Variants in NIPAL2 observed in about 807,000 individuals in gnomAD.
The protein encoded by NIPAL2 is NIPA like domain containing 2.
Under a neutral mutation model 48.9 loss-of-function variants are expected in NIPAL2, and 43 were observed. That is an observed-to-expected ratio of 0.88 (90% CI 0.69 to 1.13). The LOEUF is 1.13. Ranked by LOEUF, NIPAL2 falls within the 50% of genes most tolerant of loss-of-function variation. The probability of loss-of-function intolerance (pLI) is 0.00; values close to 1 mark genes in which losing one functional copy is unlikely to be tolerated. For missense variants in NIPAL2, 446 were observed against 461.4 expected, an observed-to-expected ratio of 0.97 and a Z score of 0.31; for synonymous variants, 167 against 174.6, an observed-to-expected ratio of 0.96 and a Z score of 0.34.
At position 98,204,150 on chromosome 8, in the gene NIPAL2, CA is replaced by C. The variant is rs1207338021; in HGVS notation, c.792-955del. On this transcript the variant is annotated intron_variant, in intron 7 of 10. Coordinates refer to ENST00000430223, the MANE Select transcript of NIPAL2 (RefSeq NM_001321635.2). ...GGTATGAAGATAATGCCACTAATCCCAAAAGATACTGTGGCAGTACCAATTA... is the reference window on the plus strand; with the variant it reads ...GGTATGAAGATAATGCCACTAATCCCAAAGATACTGTGGCAGTACCAATTA... Among the ~76,000 whole-genome samples the C allele has an allele frequency of 2.4e-4, 37 of 152,076 alleles. 1 individual carries two copies. Among genetic ancestry groups the C allele is most frequent in the Admixed American group, 2.4e-3 (36 of 15,268 alleles).
Position 98,191,247 on chromosome 8 carries a change from T to G in NIPAL2, c.*1731A>C, listed in dbSNP as rs1248611246. The G allele has an allele frequency of 6.6e-6, 1 of 152,224 alleles. No individual in the cohort carries two copies. The highest frequency in any genetic ancestry group is 2.4e-5 in the African/African-American group (1 of 41,472). The allele number at this position is 152,224 out of a possible 1,614,324, so 9.4% of individuals were successfully genotyped here. ...TTTCTCAATCTTTGTAAACCAGTTTTAAGAGTCACCAGAAATCTGTAGTTT... is the reference window on the plus strand; with the variant it reads ...TTTCTCAATCTTTGTAAACCAGTTTGAAGAGTCACCAGAAATCTGTAGTTT... On this transcript the variant is annotated 3_prime_UTR_variant, in exon 11 of 11. Coordinates refer to ENST00000430223, the MANE Select transcript of NIPAL2 (RefSeq NM_001321635.2).
chr8:98,262,266 T>C (rs1338847003), intron 1 of NIPAL2, among the ~76,000 whole-genome samples: 1 of 152,018 alleles, frequency 6.6e-6, no homozygotes, highest in Admixed American at 6.6e-5. Flanking sequence ...AGGATCAAAT[T>C]CACACATAAC....
chr8:98,236,300 G>T, intron 3 of NIPAL2, 86 bp from the exon 4 acceptor site: 2 of 893,856 alleles, frequency 2.2e-6, no homozygotes, highest in Non-Finnish European at 3.6e-6. Flanking sequence ...AGCAATTTGT[G>T]CCTTATGCCT....
intron 1 of NIPAL2, among the ~76,000 whole-genome samples, chr8:98,258,535 C>T (rs774659871): frequency 7.2e-5 from 11 of 152,242 alleles, no homozygotes; most frequent in South Asian, 2.1e-4. Context: ...AGAAGGACTC[C>T]GTACTTCTAC....
intron 1 of NIPAL2, among the ~76,000 whole-genome samples, chr8:98,272,075 T>G (rs765702955): frequency 6.6e-6 from 1 of 152,188 alleles, no homozygotes; most frequent in Non-Finnish European, 1.5e-5. Flanking sequence ...AATTTTATGG[T>G]GTGCTGCTGG....
chr8:98,264,184 GC>G (rs1752677521), intron 1 of NIPAL2, among the ~76,000 whole-genome samples: 1 of 147,332 alleles, frequency 6.8e-6, no homozygotes, highest in African/African-American at 2.5e-5. Context: ...TACTGAATGG[GC>G]AAAAACTGGA....
intron 1 of NIPAL2, among the ~76,000 whole-genome samples, chr8:98,264,355 C>T (rs368674315): frequency 2.6e-4 from 34 of 131,314 alleles, no homozygotes; most frequent in Admixed American, 6.3e-4. Context: ...TGTTTGCAGA[C>T]GACATGATTG....
At chr8:98,243,339 C>T (rs1813098442) in intron 3 of NIPAL2, among the ~76,000 whole-genome samples, 2 of 152,150 alleles carry the variant, frequency 1.3e-5, no homozygotes. Flanking sequence ...CATTTGGATT[C>T]AGGTTTCCAG....
chr8:98,232,216 T>C (rs781282705), intron 4 of NIPAL2, among the ~76,000 whole-genome samples: 3 of 152,170 alleles, frequency 2.0e-5, no homozygotes, highest in Non-Finnish European at 4.4e-5. Context: ...GGGTATAGAA[T>C]AGGTGACTAA....
rs772612480 is a variant in NIPAL2 at position 98,294,145 on chromosome 8, C to T, written c.-8G>A. On this transcript the variant is annotated 5_prime_UTR_variant, in exon 1 of 11. Coordinates refer to ENST00000430223, the MANE Select transcript of NIPAL2 (RefSeq NM_001321635.2). ...GGGCGCCACCGCTGCCATGAGGTCT[C>T]GCTCCCGGCGCTCGGGCTCCGGCTC... is the stretch of plus-strand genomic sequence containing the variant. 2.9e-6 allele frequency: 4 copies of T among 1,384,886 alleles called. No homozygotes were observed. The highest frequency in any genetic ancestry group is 3.4e-5 in the Admixed American group (1 of 29,378). 85.8% of individuals were successfully genotyped at this position (1,384,886 alleles called of 1,614,324 possible).
chr8:98,292,310 T>C (rs913845518), intron 1 of NIPAL2, among the ~76,000 whole-genome samples: 9 of 152,214 alleles, frequency 5.9e-5, no homozygotes, highest in African/African-American at 2.2e-4. Flanking sequence ...ATAAAATGCT[T>C]CTCGAGTAAA....
chr8:98,281,274 A>G (rs1281865264), intron 1 of NIPAL2, among the ~76,000 whole-genome samples: 1 of 152,114 alleles, frequency 6.6e-6, no homozygotes, highest in Non-Finnish European at 1.5e-5. Context: ...GTCCTATGTC[A>G]GGAATCAAGG....
At chr8:98,236,531 G>T (rs1051537604) in intron 3 of NIPAL2, among the ~76,000 whole-genome samples, 3 of 152,048 alleles carry the variant, frequency 2.0e-5, no homozygotes, top group Admixed American at 6.6e-5. Context: ...AGAAAGAGCA[G>T]GAAGGATTAG....
Position 98,190,842 on chromosome 8 carries a change from G to C in NIPAL2, c.*2136C>G, listed in dbSNP as rs1486479171. ...AGATAGTCAGATGAGCTAACAGTTGGCTAAAGGTCCTCAACTCACAATGCC... is the reference window on the plus strand; with the variant it reads ...AGATAGTCAGATGAGCTAACAGTTGCCTAAAGGTCCTCAACTCACAATGCC... On this transcript the variant is annotated 3_prime_UTR_variant, in exon 11 of 11. Coordinates refer to ENST00000430223, the MANE Select transcript of NIPAL2 (RefSeq NM_001321635.2). 1 of 152,172 alleles carries C rather than the reference G, an allele frequency of 6.6e-6. No homozygotes were observed. Among genetic ancestry groups the C allele is most frequent in the Non-Finnish European group, 1.5e-5 (1 of 68,046 alleles). The allele number at this position is 152,172 out of a possible 1,614,324, so 9.4% of individuals were successfully genotyped here. A position where few individuals can be genotyped will look rare whatever the true frequency, so the allele number is the denominator to read the frequency against.
intron 1 of NIPAL2, among the ~76,000 whole-genome samples, chr8:98,287,530 C>CA: frequency 6.6e-6 from 1 of 152,196 alleles, no homozygotes; most frequent in Middle Eastern, 3.4e-3. Context: ...TTTCCATTTG[C>CA]AATGAGCTGA....
rs182981295 is a variant in NIPAL2, at chr8:98,277,356, C to T, written c.135+16647G>A. On this transcript the variant is annotated intron_variant, in intron 1 of 10. Transcript: ENST00000430223. Reference sequence around the variant, plus strand: ...CCAGCCTGGCCAACATGATGAAACTCTGTCTCTACTATTAATAAAAAATAC... The same window carrying T: ...CCAGCCTGGCCAACATGATGAAACTTTGTCTCTACTATTAATAAAAAATAC... Among the ~76,000 whole-genome samples the T allele has an allele frequency of 5.1e-4, 77 of 152,142 alleles. No homozygotes were observed. The East Asian group carries it at 0.01, about 20-fold the overall frequency.
At position 98,246,417 on chromosome 8, in the gene NIPAL2, C is replaced by T. The variant is rs562493000; in HGVS notation, c.376+6046G>A. Reference sequence around the variant, plus strand: ...TCATTTTCTCAGTGCAGTTAGCTCTCCAACCTTAATACAAATTAGCTCAGT... The same window carrying T: ...TCATTTTCTCAGTGCAGTTAGCTCTTCAACCTTAATACAAATTAGCTCAGT... On this transcript the variant is annotated intron_variant, in intron 3 of 10. Transcript: ENST00000430223. 7.2e-5 allele frequency among the ~76,000 whole-genome samples: 11 copies of T among 152,300 alleles called. No individual in the cohort carries two copies. In the South Asian group the frequency reaches 2.1e-3, roughly 29 times the overall value.
chr8:98,231,637 T>C (rs1455797338), intron 4 of NIPAL2: 2 of 152,152 alleles, frequency 1.3e-5, no homozygotes, highest in African/African-American at 4.8e-5. Flanking sequence ...ATCATTAAAA[T>C]AATTAATCCA....
intron 1 of NIPAL2, among the ~76,000 whole-genome samples, chr8:98,265,012 G>C (rs1450981498): frequency 7.0e-6 from 1 of 143,104 alleles, no homozygotes; most frequent in African/African-American, 2.6e-5. Context: ...ACAAACCTGA[G>C]AAAAACAAGC....
Sources: gnomAD v4.1 joint callset for allele counts (sites outside exome capture counted in the v4.1 genomes callset) on GRCh38, gnomAD v4.1.1 for gene constraint, MANE v1.5 for transcripts, NCBI Gene and HGNC (gene_info 2026-07-23, HGNC 2026-07-21) for gene names.